Variants in ADCY8 observed in about 807,000 individuals in gnomAD.
The protein encoded by ADCY8 is adenylate cyclase 8, also known as adenylate cyclase type 8.
ADCY8 carries 51 observed loss-of-function variants against 119.7 expected under a neutral mutation model. That is an observed-to-expected ratio of 0.43 (90% confidence interval 0.34 to 0.54). The LOEUF (loss-of-function observed/expected upper bound fraction) is 0.54. Ranked by LOEUF, ADCY8 falls within the 20% of genes least tolerant of loss-of-function variation. ADCY8 has a pLI of 0.03. For missense variants in ADCY8, 1,383 were observed against 1,598.8 expected, an observed-to-expected ratio of 0.87 and a Z score of 2.30; for synonymous variants, 665 against 651.0, an observed-to-expected ratio of 1.02 and a Z score of -0.33.
intron 1 of ADCY8, among the ~76,000 whole-genome samples, chr8:131,028,610 G>C (rs1823895815): frequency 6.6e-6 from 1 of 151,916 alleles, no homozygotes; most frequent in African/African-American, 2.4e-5. Context: ...GACAGTTTTA[G>C]TTAATTGCTT....
At chr8:130,982,361 C>T (rs1464761931) in intron 2 of ADCY8, among the ~76,000 whole-genome samples, 2 of 152,162 alleles carry the variant, frequency 1.3e-5, no homozygotes, top group African/African-American at 4.8e-5. Flanking sequence ...CAACAGGAAA[C>T]ATTAGAGGAT....
At chr8:130,918,577 ATTTGT>A (rs1820201003) in intron 5 of ADCY8, among the ~76,000 whole-genome samples, 1 of 152,208 alleles carries the variant, frequency 6.6e-6, no homozygotes, top group Non-Finnish European at 1.5e-5. Flanking sequence ...TTTAAAAATT[ATTTGT>A]TTTGTTTCTT....
chr8:130,782,470 T>A (rs916988120), intron 17 of ADCY8, among the ~76,000 whole-genome samples: 4 of 152,324 alleles, frequency 2.6e-5, no homozygotes, highest in East Asian at 1.9e-4. Context: ...CAAATTGAGA[T>A]GCTTAATTCA....
chr8:130,803,076 T>C (rs1163042773), intron 14 of ADCY8, among the ~76,000 whole-genome samples: 1 of 152,244 alleles, frequency 6.6e-6, no homozygotes, highest in Non-Finnish European at 1.5e-5. Context: ...CTGAGTAAAT[T>C]ACTTGCATTC....
chr8:130,844,914 C>G (rs963226192), intron 11 of ADCY8, among the ~76,000 whole-genome samples: 1 of 152,164 alleles, frequency 6.6e-6, no homozygotes, highest in Non-Finnish European at 1.5e-5. Flanking sequence ...ATATTACGCA[C>G]AGTGGTTCGG....
chr8:130,868,779 G>T (rs1417860594), intron 8 of ADCY8, among the ~76,000 whole-genome samples: 1 of 152,166 alleles, frequency 6.6e-6, no homozygotes, highest in Non-Finnish European at 1.5e-5. Flanking sequence ...TAGCAGGCAG[G>T]TTATTTTATT....
At chr8:130,911,878 A>G (rs1819992664) in intron 5 of ADCY8, among the ~76,000 whole-genome samples, 1 of 152,166 alleles carries the variant, frequency 6.6e-6, no homozygotes, top group Non-Finnish European at 1.5e-5. Flanking sequence ...GGTCTATAAG[A>G]TACAATGGAA....
intron 5 of ADCY8, among the ~76,000 whole-genome samples, chr8:130,930,444 G>C (rs966515774): frequency 1.3e-5 from 2 of 151,948 alleles, no homozygotes; most frequent in African/African-American, 2.4e-5. Context: ...GTAGAGACAG[G>C]GTTTCACCGT....
At chr8:131,028,534 T>G (rs2130805477) in intron 1 of ADCY8, among the ~76,000 whole-genome samples, 1 of 151,456 alleles carries the variant, frequency 6.6e-6, no homozygotes, top group African/African-American at 2.4e-5. Context: ...TTTTTTTTCT[T>G]GAACTAATTA....
chr8:130,910,037 G>T (rs1819931182), intron 5 of ADCY8, among the ~76,000 whole-genome samples, 171 bp from the exon 6 acceptor site: 1 of 149,322 alleles, frequency 6.7e-6, no homozygotes, highest in Non-Finnish European at 1.5e-5. Flanking sequence ...CTATTCTCCT[G>T]CCTCAGCCTT....
At chr8:130,941,573 A>G (rs904246014) in intron 4 of ADCY8, among the ~76,000 whole-genome samples, 5 of 152,334 alleles carry the variant, frequency 3.3e-5, no homozygotes, top group South Asian at 2.1e-4. Context: ...AGGAAATGGT[A>G]TACATGTTTT....
At chr8:130,895,289 C>A (rs922261513) in intron 7 of ADCY8, among the ~76,000 whole-genome samples, 1 of 152,078 alleles carries the variant, frequency 6.6e-6, no homozygotes, top group Admixed American at 6.6e-5. Context: ...GAGTCCAATT[C>A]GTTTGTGTAG....
At chr8:130,984,476 T>A (rs1822336303) in intron 2 of ADCY8, among the ~76,000 whole-genome samples, 1 of 136,354 alleles carries the variant, frequency 7.3e-6, no homozygotes, top group African/African-American at 3.5e-5. Flanking sequence ...GTAAGTTTGT[T>A]TAGTTTTTTT....
chr8:130,964,367 GAA>G (rs1474453611), intron 2 of ADCY8, among the ~76,000 whole-genome samples: 1 of 152,186 alleles, frequency 6.6e-6, no homozygotes, highest in African/African-American at 2.4e-5. Context: ...GCCCCATGCT[GAA>G]CAGAAATCAC....
At chr8:131,015,880 T>C (rs2130787165) in intron 1 of ADCY8, among the ~76,000 whole-genome samples, 1 of 152,268 alleles carries the variant, frequency 6.6e-6, no homozygotes, top group South Asian at 2.1e-4. Flanking sequence ...TTCTGAAGAC[T>C]CTATTTTTAA....
intron 14 of ADCY8, among the ~76,000 whole-genome samples, chr8:130,804,557 A>G (rs1293054708): frequency 2.6e-5 from 4 of 152,228 alleles, no homozygotes; most frequent in Non-Finnish European, 5.9e-5. Context: ...CTGCTTAGAA[A>G]TAGAGAAAAA....
chr8:130,952,514 G>T (rs1428830562), intron 2 of ADCY8, among the ~76,000 whole-genome samples: 1 of 152,074 alleles, frequency 6.6e-6, no homozygotes, highest in Non-Finnish European at 1.5e-5. Flanking sequence ...AATGAGCAAT[G>T]GTGTGGCTGG....
intron 9 of ADCY8, among the ~76,000 whole-genome samples, chr8:130,856,420 A>C (rs1005424764): frequency 5.9e-5 from 9 of 152,112 alleles, no homozygotes; most frequent in Admixed American, 2.0e-4. Context: ...CAGAGGAAGC[A>C]ACAGACACGG....
At chr8:131,018,440 C>T (rs1823550098) in intron 1 of ADCY8, among the ~76,000 whole-genome samples, 1 of 152,154 alleles carries the variant, frequency 6.6e-6, no homozygotes, top group African/African-American at 2.4e-5. Context: ...CTACCCTCCC[C>T]AGGGGTTCTG....
Sources: allele counts gnomAD v4.1 joint callset (sites outside exome capture counted in the v4.1 genomes callset), GRCh38; gene constraint gnomAD v4.1.1; transcripts MANE v1.5; gene names NCBI Gene and HGNC (gene_info 2026-07-23, HGNC 2026-07-21).